AGO1: variants seen among roughly 807,000 people sequenced by gnomAD.
AGO1 encodes the protein argonaute RISC component 1.
In AGO1, 11 loss-of-function variants were observed where a neutral mutation model predicts 109.2. The observed-to-expected ratio is 0.10, with a 90% confidence interval of 0.06 to 0.17. AGO1 has a LOEUF of 0.17. Among genes scored for constraint, AGO1 ranks in the 10% least tolerant of loss-of-function variants. The pLI is 1.00. For synonymous variants in AGO1, 422 were observed against 418.6 expected (o/e 1.01, Z -0.10); for missense variants, 574 against 1,140.3 (o/e 0.50, Z 7.15).
chr1:35,893,122 G>A lies in AGO1; in HGVS notation c.356G>A (p.Gly119Glu). ...ERVDFEVTIP[G>E]EGKDRIFKVS... ...GTCGACTTTGAGGTGACAATCCCTG[G>A]GGAAGGGAAGGATCGAATCTTTAAG... The change falls in exon 4 of 19, where the codon GGG (glycine) becomes GAG (glutamate). Residue 119 changes from glycine to glutamate, a missense_variant. By Grantham distance (98) the Gly-to-Glu change is moderately conservative (BLOSUM62 -2). Coordinates refer to ENST00000373204, the MANE Select transcript of AGO1 (RefSeq NM_012199.5). This position sits in a 1 kb window ranked among gnomAD's most constrained non-coding sequence, Gnocchi z 5.6. The A allele has an allele frequency of 6.2e-7, 1 of 1,614,072 alleles. No individual in the cohort carries two copies.
chr1:35,915,201 A>G, intron 14 of AGO1, 147 bp from the exon 15 acceptor site: 1 of 619,486 alleles, frequency 1.6e-6, no homozygotes, highest in Admixed American at 2.9e-5. Context: ...CTTGTGTGAT[A>G]GAATAGAGAT....
chr1:35,887,019 C>T (rs1450350227), intron 1 of AGO1, among the ~76,000 whole-genome samples: 1 of 152,106 alleles, frequency 6.6e-6, no homozygotes, highest in Non-Finnish European at 1.5e-5. Context: ...AATTTCTGTC[C>T]AGCACTTTCT....
In AGO1 at chr1:35,919,460, G is replaced by A. The variant is rs4142288; in HGVS notation, c.2466-39G>A. ...GCGAGGGAATTAGCAGCAGCTCTCA[G>A]TTCACCAGGAAGGACTTCTTTCATT... On this transcript the variant is annotated intron_variant, in intron 18 of 18. Transcript: ENST00000373204. The surrounding 1 kb of genome is among the most constrained non-coding windows in gnomAD (Gnocchi z 6.6). The A allele has an allele frequency of 0.047, 74,735 of 1,575,326 alleles. 14,768 individuals carry two copies. The East Asian group carries it at 0.69, about 14-fold the overall frequency.
At position 35,874,991 on chromosome 1, in the gene AGO1, T is replaced by C. The variant is rs965264711; in HGVS notation, c.-201+5088T>C. On this transcript the variant is annotated intron_variant, in intron 1 of 18. Coordinates refer to the AGO1 transcript ENST00000373206. ...AAGAAAAGTTTGAAGCTAGTAGAGA[T>C]TGGTTCATGAGGTTTAAGGAAAGAA... is the stretch of plus-strand genomic sequence containing the variant. Among the ~76,000 whole-genome samples the C allele has an allele frequency of 2.0e-5, 3 of 152,258 alleles. No individual in the cohort carries two copies. The South Asian group carries it at 6.2e-4, about 32-fold the overall frequency.
At chr1:35,906,819 A>AC in intron 11 of AGO1, 116 bp from the exon 12 acceptor site, 3 of 928,180 alleles carry the variant, frequency 3.2e-6, no homozygotes, top group African/African-American at 3.3e-5. Context: ...AAAAAAAAAA[A>AC]AAAAAACCAA....
intron 17 of AGO1, 129 bp downstream of exon 17, chr1:35,918,552 T>G (rs889421804): frequency 7.0e-6 from 6 of 854,050 alleles, no homozygotes; most frequent in Non-Finnish European, 1.1e-5. Context: ...GTTTGTTCTG[T>G]TTTGTTTTGT....
In AGO1 at chr1:35,924,715, G is replaced by C. The variant is rs1325493005; in HGVS notation, c.*5108G>C. ...AGACAGGAGTAGAGGTTAGCTCCCA[G>C]GTTTCTCCTTGACCATAGGAGTGTG... On this transcript the variant is annotated 3_prime_UTR_variant, in exon 19 of 19. Coordinates refer to ENST00000373204, the MANE Select transcript of AGO1 (RefSeq NM_012199.5). 2 of 152,178 alleles carry C rather than the reference G, an allele frequency of 1.3e-5. No homozygotes were observed. The highest frequency in any genetic ancestry group is 4.8e-5 in the African/African-American group (2 of 41,442). 9.4% of individuals were successfully genotyped at this position (152,178 alleles called of 1,614,324 possible).
rs1201704138 is a variant in AGO1 at position 35,924,631 on chromosome 1, AG to A, written c.*5027del. On this transcript the variant is annotated 3_prime_UTR_variant, in exon 19 of 19. Transcript: ENST00000373204. ...GCTACAACAACGAATATAGGGAGGA[AG>A]GGACAGATTTGAGAGACGAGGTAGA... is the stretch of plus-strand genomic sequence containing the variant. The A allele has an allele frequency of 2.0e-5, 3 of 152,194 alleles. No homozygotes were observed. Among genetic ancestry groups the A allele is most frequent in the African/African-American group, 7.2e-5 (3 of 41,428 alleles). 9.4% of individuals were successfully genotyped at this position (152,194 alleles called of 1,614,324 possible).
rs1645425501 is a variant in AGO1, at chr1:35,902,018, C to T, written c.1211C>T (p.Thr404Met). 2 of 1,612,164 alleles carry T rather than the reference C, an allele frequency of 1.2e-6. No individual in the cohort carries two copies. The highest frequency in any genetic ancestry group is 4.5e-5 in the East Asian group (2 of 44,876). ...EFGIKVKDDM[T>M]EVTGRVLPAP... is the part of the protein sequence containing the mutation. ...GGGATCAAAGTGAAGGATGACATGACGGAGGTGACAGGGCGAGTGCTGCCG... is the reference window on the plus strand; with the variant it reads ...GGGATCAAAGTGAAGGATGACATGATGGAGGTGACAGGGCGAGTGCTGCCG... The change falls in exon 10 of 19, where the codon ACG (threonine) becomes ATG (methionine). Residue 404 changes from threonine to methionine, a missense_variant. Physicochemically the swap from Thr to Met is moderately conservative, Grantham distance 81. Around this residue, in one of 8 missense-constraint regions of AGO1, gnomAD observed 106 missense variants for 147.8 expected, o/e 0.72. Transcript: ENST00000373204.
At chr1:35,876,276 T>G (rs945454525) in intron 1 of AGO1, among the ~76,000 whole-genome samples, 10 of 151,842 alleles carry the variant, frequency 6.6e-5, no homozygotes, top group African/African-American at 2.4e-4. Flanking sequence ...TTTTTGTTTT[T>G]TTTTTTTTGA....
At chr1:35,906,830 T>G in intron 11 of AGO1, 105 bp from the exon 12 acceptor site, 1 of 670,536 alleles carries the variant, frequency 1.5e-6, no homozygotes, top group Non-Finnish European at 2.4e-6. Context: ...AAAAAACCAA[T>G]CTCTCAGTGC....
At chr1:35,910,444 G>GA (rs1208441265) in intron 12 of AGO1, among the ~76,000 whole-genome samples, 1 of 151,754 alleles carries the variant, frequency 6.6e-6, no homozygotes, top group Non-Finnish European at 1.5e-5. Flanking sequence ...AATCTTACAT[G>GA]TTTAGCTCAG....
At chr1:35,914,077 G>T (rs1645690301) in intron 13 of AGO1, 76 bp downstream of exon 13, 1 of 1,602,220 alleles carries the variant, frequency 6.2e-7, no homozygotes, top group Non-Finnish European at 8.5e-7. Context: ...ACCCTGGCCA[G>T]GCAGACTGAA....
intron 8 of AGO1, among the ~76,000 whole-genome samples, chr1:35,898,352 G>A (rs554202617): frequency 9.3e-4 from 141 of 152,114 alleles, no homozygotes; most frequent in Admixed American, 1.3e-3. Context: ...CGCCTCCTGG[G>A]TTCACGCCAT....
upstream of AGO1, among the ~76,000 whole-genome samples, chr1:35,881,194 C>A (rs1328517487): frequency 1.3e-5 from 2 of 152,186 alleles, no homozygotes; most frequent in African/African-American, 4.8e-5. Context: ...TCTCATAGTC[C>A]CCAGATCGGC....
intron 1 of AGO1, among the ~76,000 whole-genome samples, chr1:35,885,553 A>T (rs1272598848): frequency 6.6e-6 from 1 of 152,218 alleles, no homozygotes; most frequent in Non-Finnish European, 1.5e-5. Flanking sequence ...TTCTCTTATA[A>T]GAAGTTAGAG....
Position 35,917,645 on chromosome 1 carries a change from A to G in AGO1, c.2081A>G (p.Lys694Arg). The G allele has an allele frequency of 6.2e-7, 1 of 1,613,728 alleles. No individual in the cohort carries two copies. The highest frequency in any genetic ancestry group is 8.5e-7 in the Non-Finnish European group (1 of 1,179,670). ...CGTGATGCCTGCATCAAACTGGAAA[A>G]GGACTACCAGCCTGGGATCACTTAT... ...AIRDACIKLE[K>R]DYQPGITYIV... Residue 694 changes from lysine (K) to arginine (R), a missense_variant, in exon 16 of 19, where the codon AAG becomes AGG. Coordinates refer to ENST00000373204, the MANE Select transcript of AGO1 (RefSeq NM_012199.5).
chr1:35,904,983 C>G (rs528634084), intron 11 of AGO1, among the ~76,000 whole-genome samples: 2 of 152,024 alleles, frequency 1.3e-5, no homozygotes, highest in African/African-American at 4.8e-5. Flanking sequence ...GAGTTCTAGA[C>G]GCAACCCTCA....
At chr1:35,914,530 CTT>C (rs1317151869) in intron 14 of AGO1, among the ~76,000 whole-genome samples, 1 of 152,190 alleles carries the variant, frequency 6.6e-6, no homozygotes, top group African/African-American at 2.4e-5. Context: ...ATTTGAATGT[CTT>C]TCTTTCCCCA....
Sources: gnomAD v4.1 joint callset for allele counts (sites outside exome capture counted in the v4.1 genomes callset) on GRCh38, gnomAD v4.1.1 for gene constraint, gnomAD v4.1.1 regional missense constraint, Gnocchi (gnomAD v3.1) non-coding constraint, MANE v1.5 for transcripts, NCBI Gene and HGNC (gene_info 2026-07-23, HGNC 2026-07-21) for gene names.